RTTN: variants seen among roughly 807,000 people sequenced by gnomAD.
The protein encoded by RTTN is rotatin.
A neutral mutation model predicts 269.2 loss-of-function variants in RTTN; 182 were observed. That is an observed-to-expected ratio of 0.68 (90% CI 0.60 to 0.76). The LOEUF (loss-of-function observed/expected upper bound fraction) is 0.76, where lower values mean the gene tolerates loss of function less well. RTTN is among the 30% of genes least tolerant of loss of function. The pLI, the probability that RTTN is intolerant of heterozygous loss-of-function variation, is 0.00. For synonymous variants in RTTN, 1,006 were observed against 963.5 expected (o/e 1.04, Z -0.82); for missense variants, 2,545 against 2,608.6 (o/e 0.98, Z 0.53).
In RTTN at chr18:70,075,489, G is replaced by A. The variant is rs759407661; in HGVS notation, c.4427C>T (p.Ala1476Val). Residue 1476 changes from alanine to valine, a missense_variant, in exon 33 of 49, where the codon GCC becomes GTC. Ala to Val is a moderately conservative substitution (Grantham distance 64, BLOSUM62 0). Coordinates refer to ENST00000640769, the MANE Select transcript of RTTN (RefSeq NM_173630.4). Reference protein sequence around the residue: ...DSGLSLIGKPALQALLYHCHF... With the variant: ...DSGLSLIGKPVLQALLYHCHF... Reference sequence around the variant, plus strand: ...GCAGTGATATAAAAGAGCCTGAAGGGCAGGTTTTCCAATGAGCGATAGGCC... The same window carrying A: ...GCAGTGATATAAAAGAGCCTGAAGGACAGGTTTTCCAATGAGCGATAGGCC... The A allele has an allele frequency of 6.2e-7, 1 of 1,602,276 alleles. No homozygotes were observed. Among genetic ancestry groups the A allele is most frequent in the Admixed American group, 1.7e-5 (1 of 57,950 alleles).
intron 28 of RTTN, among the ~76,000 whole-genome samples, chr18:70,095,570 A>C (rs1338738608): frequency 6.6e-6 from 1 of 152,116 alleles, no homozygotes; most frequent in African/African-American, 2.4e-5. Context: ...GTTTGGCTAG[A>C]TATGAAATTC....
At chr18:70,060,073 A>C (rs779793754) in intron 35 of RTTN, 31 bp from the exon 36 acceptor site, 11 of 1,543,388 alleles carry the variant, frequency 7.1e-6, no homozygotes, top group Non-Finnish European at 9.7e-6. Context: ...AAGAATTATT[A>C]TTTACCTTAC....
At chr18:70,122,341 G>A (rs905685163) in intron 25 of RTTN, among the ~76,000 whole-genome samples, 59 of 151,400 alleles carry the variant, frequency 3.9e-4, no homozygotes, top group African/African-American at 1.2e-3. Context: ...TTTGGAAATC[G>A]TTTTTTTTAA....
chr18:70,092,257 A>C (rs779474007), intron 29 of RTTN, 37 bp from the exon 30 acceptor site: 1 of 1,291,268 alleles, frequency 7.7e-7, no homozygotes, highest in Non-Finnish European at 1.1e-6. Flanking sequence ...TATTTGAGGT[A>C]AGTTTCTAAA....
In RTTN at chr18:70,148,891, T is replaced by C. The variant is rs546048105; in HGVS notation, c.2309+10A>G. 106 of 1,613,184 alleles carry C rather than the reference T, an allele frequency of 6.6e-5. No homozygotes were observed. The highest frequency in any genetic ancestry group is 3.3e-4 in the Middle Eastern group (2 of 6,052). On this transcript the variant is annotated intron_variant, in intron 17 of 48. Coordinates refer to ENST00000640769, the MANE Select transcript of RTTN (RefSeq NM_173630.4). ...AATCTTTGACGTTCACAAGATTACG[T>C]TGTACTCACGATGGCTTTTTCACTA...
intron 30 of RTTN, among the ~76,000 whole-genome samples, chr18:70,090,550 T>C (rs1159506035): frequency 6.6e-6 from 1 of 152,164 alleles, no homozygotes; most frequent in Non-Finnish European, 1.5e-5. Flanking sequence ...GTTTGGCTAC[T>C]ACTGATCTTC....
At chr18:70,087,803 A>G (rs2058739916) in intron 31 of RTTN, among the ~76,000 whole-genome samples, 186 bp downstream of exon 31, 2 of 152,186 alleles carry the variant, frequency 1.3e-5, no homozygotes, top group African/African-American at 2.4e-5. Context: ...ATCGGAAGGA[A>G]GGACTCCAGT....
intron 21 of RTTN, among the ~76,000 whole-genome samples, chr18:70,136,756 T>C (rs2060134180): frequency 6.6e-6 from 1 of 152,102 alleles, no homozygotes; most frequent in African/African-American, 2.4e-5. Flanking sequence ...AACTTAACCA[T>C]TATCTTATAA....
intron 7 of RTTN, among the ~76,000 whole-genome samples, chr18:70,195,262 C>T (rs186711170): frequency 5.3e-5 from 8 of 152,224 alleles, no homozygotes; most frequent in African/African-American, 1.9e-4. Flanking sequence ...TGCAGCTCTT[C>T]GAGTGACGAT....
intron 16 of RTTN, among the ~76,000 whole-genome samples, chr18:70,149,261 G>A (rs1260416207): frequency 1.3e-5 from 2 of 152,082 alleles, no homozygotes; most frequent in Admixed American, 6.6e-5. Context: ...AGGAAAACAT[G>A]CCAACCTTCT....
At chr18:70,138,337 G>A (rs1207064773) in intron 21 of RTTN, 2 of 152,056 alleles carry the variant, frequency 1.3e-5, no homozygotes, top group African/African-American at 4.8e-5. Context: ...ATTAATGGAG[G>A]ATACTATATT....
chr18:70,131,105 C>T lies in RTTN; in HGVS notation c.2955-2559G>A, dbSNP rs1034236560. On this transcript the variant is annotated intron_variant, in intron 23 of 48. Transcript: ENST00000640769. ...CCAACTGCCAACCTAGAATTCTATA[C>T]CTAGTGATAACATTTTTTAAAACAG... 1.2e-4 allele frequency: 17 copies of T among 147,754 alleles called. No individual in the cohort carries two copies. In the East Asian group the frequency reaches 3.0e-3, roughly 26 times the overall value. 9.2% of individuals were successfully genotyped at this position (147,754 alleles called of 1,614,324 possible). A position where few individuals can be genotyped will look rare whatever the true frequency, so the allele number is the denominator to read the frequency against.
At chr18:70,133,884 A>C (rs1163941233) in intron 23 of RTTN, among the ~76,000 whole-genome samples, 1 of 152,168 alleles carries the variant, frequency 6.6e-6, no homozygotes, top group Non-Finnish European at 1.5e-5. Flanking sequence ...TTTTTACAAA[A>C]GTCTAAAGAG....
intron 28 of RTTN, among the ~76,000 whole-genome samples, chr18:70,107,618 A>C (rs368016306): frequency 5.3e-4 from 81 of 152,378 alleles, no homozygotes; most frequent in African/African-American, 1.9e-3. Context: ...CAATGACGTA[A>C]GCCTCTACCT....
intron 2 of RTTN, among the ~76,000 whole-genome samples, chr18:70,204,926 C>G (rs1216032061): frequency 6.6e-6 from 1 of 152,164 alleles, no homozygotes; most frequent in African/African-American, 2.4e-5. Flanking sequence ...TGTGTTACTT[C>G]TGAGCACAGC....
At chr18:70,041,228 AAAAATAAAAAAT>A (rs1395849546) in intron 40 of RTTN, among the ~76,000 whole-genome samples, 1 of 151,712 alleles carries the variant, frequency 6.6e-6, no homozygotes, top group Non-Finnish European at 1.5e-5. Flanking sequence ...ATAAATAAAT[AAAAATAAAAAAT>A]AAAATAAAAA....
At chr18:70,201,279 CAT>C in intron 4 of RTTN, among the ~76,000 whole-genome samples, 1 of 152,266 alleles carries the variant, frequency 6.6e-6, no homozygotes, top group East Asian at 1.9e-4. Context: ...AATGAGATGA[CAT>C]GTGTAGTGCA....
chr18:70,133,038 T>C (rs1396883059), intron 23 of RTTN, among the ~76,000 whole-genome samples: 2 of 152,090 alleles, frequency 1.3e-5, no homozygotes, highest in Non-Finnish European at 1.5e-5. Context: ...GAATAAACTA[T>C]AAATGCATGA....
chr18:70,205,530 G>A, intron 1 of RTTN, 98 bp downstream of exon 1: 1 of 1,521,278 alleles, frequency 6.6e-7, no homozygotes, highest in Non-Finnish European at 9.1e-7. Flanking sequence ...AGAGGGAGCG[G>A]TCGCGGAGCG....
Sources: gnomAD v4.1 joint callset for allele counts (sites outside exome capture counted in the v4.1 genomes callset) on GRCh38, gnomAD v4.1.1 for gene constraint, MANE v1.5 for transcripts, NCBI Gene and HGNC (gene_info 2026-07-23, HGNC 2026-07-21) for gene names.